MAGT1: variants seen among roughly 807,000 people sequenced by gnomAD.
MAGT1 encodes dolichyl-diphosphooligosaccharide--protein glycosyltransferase subunit MAGT1.
In MAGT1, 4 loss-of-function variants were observed where a neutral mutation model predicts 28.4. That is an observed-to-expected ratio of 0.14 (90% CI 0.07 to 0.32). MAGT1 has a LOEUF of 0.32. Among genes scored for constraint, MAGT1 ranks in the 10% least tolerant of loss-of-function variants. The pLI is 1.00. For missense variants in MAGT1, 193 were observed against 264.5 expected, an observed-to-expected ratio of 0.73 and a Z score of 1.88; for synonymous variants, 89 against 89.7, an observed-to-expected ratio of 0.99 and a Z score of 0.04.
At chrX:77,853,855 GAA>G (rs782797757) in intron 7 of MAGT1, 44 bp downstream of exon 7, 1 of 1,073,320 alleles carries the variant, frequency 9.3e-7, no homozygotes, top group Non-Finnish European at 1.3e-6. Context: ...TAGACTGTGA[GAA>G]AACAGACAAA....
At chrX:77,888,652 T>C (rs2077073504) in intron 1 of MAGT1, among the ~76,000 whole-genome samples, 1 of 111,543 alleles carries the variant, frequency 9.0e-6, no homozygotes, top group Non-Finnish European at 1.9e-5. Context: ...ATAGGATCTA[T>C]TAATTACGAT....
In MAGT1 at chrX:77,857,433, T is replaced by A; in HGVS notation, c.455A>T (p.Asp152Val). Residue 152 changes from aspartate to valine, a missense_variant, in exon 4 of 10, where the codon GAT becomes GTT. Transcript: ENST00000618282. ...FPAKGKPKRG[D>V]TYELQVRGFS... ...ACCCCGCACCTGTAACTCATATGTA[T>A]CACCCCGTTTGGGTTTCCCTTTTGC... The A allele has an allele frequency of 8.3e-7, 1 of 1,211,863 alleles. No homozygotes were observed. Among genetic ancestry groups the A allele is most frequent in the Non-Finnish European group, 1.1e-6 (1 of 895,376 alleles).
chrX:77,895,554 G>A (rs781940524), upstream of MAGT1: 1 of 1,068,988 alleles, frequency 9.4e-7, no homozygotes, highest in South Asian at 2.2e-5. Context: ...ACGTCACAGC[G>A]CGCTGGCGCT....
rs1205675533 is a variant in MAGT1 at position 77,866,666 on chromosome X, G to A, written c.390+4142C>T. On this transcript the variant is annotated intron_variant, in intron 3 of 9. Coordinates refer to ENST00000618282, the MANE Select transcript of MAGT1 (RefSeq NM_001367916.1). ...CTGAACTAACTTTAGGAGAAACTTAGTTTATAGTTTAAACAAAGACTGTAA... is the reference window on the plus strand; with the variant it reads ...CTGAACTAACTTTAGGAGAAACTTAATTTATAGTTTAAACAAAGACTGTAA... 6.0e-5 allele frequency among the ~76,000 whole-genome samples: 4 copies of A among 66,642 alleles called. 2 individuals carry two copies. The highest frequency in any genetic ancestry group is 1.6e-4 in the Non-Finnish European group (4 of 24,665). The allele number at this position is 66,642 out of a possible 115,157, so 57.9% of individuals were successfully genotyped here. A position where few individuals can be genotyped will look rare whatever the true frequency, so the allele number is the denominator to read the frequency against.
At chrX:77,879,381 T>G (rs1557218198) in intron 1 of MAGT1, among the ~76,000 whole-genome samples, 1 of 111,738 alleles carries the variant, frequency 8.9e-6, no homozygotes, top group East Asian at 2.8e-4. Flanking sequence ...ATCCTTGCCA[T>G]GAGTAGTAAG....
In MAGT1 at chrX:77,867,770, G is replaced by A. The variant is rs1311101733; in HGVS notation, c.390+3038C>T. On this transcript the variant is annotated intron_variant, in intron 3 of 9. Transcript: ENST00000618282. The stretch of plus-strand genomic sequence containing the variant: ...GGCAGGTTAACTTGTTAGCTTGCAA[G>A]TAGGGTAAGAACTTAGATCCTTCCC... Among the ~76,000 whole-genome samples the A allele has an allele frequency of 3.0e-5, 2 of 67,345 alleles. 1 individual carries two copies. The highest frequency in any genetic ancestry group is 8.0e-5 in the Non-Finnish European group (2 of 24,903). The allele number at this position is 67,345 out of a possible 115,157, so 58.5% of individuals were successfully genotyped here.
chrX:77,882,429 A>T (rs781974079), intron 1 of MAGT1, among the ~76,000 whole-genome samples: 19 of 112,168 alleles, frequency 1.7e-4, no homozygotes, highest in African/African-American at 5.5e-4. Context: ...GACAGTTACC[A>T]GCAAATACAA....
intron 7 of MAGT1, among the ~76,000 whole-genome samples, chrX:77,846,389 T>C (rs1557214928): frequency 8.9e-6 from 1 of 111,994 alleles, no homozygotes; most frequent in Non-Finnish European, 1.9e-5. Flanking sequence ...CTTCCTCCTT[T>C]AGCTCGGAGA....
chrX:77,842,601 C>T (rs182117804), intron 7 of MAGT1, among the ~76,000 whole-genome samples: 238 of 110,693 alleles, frequency 2.2e-3, no homozygotes, highest in Non-Finnish European at 3.9e-3. Flanking sequence ...CAGAGGTAGG[C>T]GGATCACCTT....
chrX:77,893,256 T>C (rs925918915), intron 1 of MAGT1, among the ~76,000 whole-genome samples: 3 of 112,001 alleles, frequency 2.7e-5, no homozygotes, highest in Non-Finnish European at 5.6e-5. Context: ...GAAGATACTG[T>C]TTGAGCTAAG....
rs782717079 is a variant in MAGT1 at position 77,874,553 on chromosome X, G to C, written c.272+875C>G. Reference sequence around the variant, plus strand: ...GGAGGCTGCAGTGAGTCAAGATCACGCCACTGCACTCCAGCCTGGGTGACA... The same window carrying C: ...GGAGGCTGCAGTGAGTCAAGATCACCCCACTGCACTCCAGCCTGGGTGACA... On this transcript the variant is annotated intron_variant, in intron 2 of 9. Coordinates refer to ENST00000618282, the MANE Select transcript of MAGT1 (RefSeq NM_001367916.1). Among the ~76,000 whole-genome samples the C allele has an allele frequency of 1.6e-3, 159 of 101,029 alleles. 1 individual carries two copies. Among genetic ancestry groups the C allele is most frequent in the African/African-American group, 5.2e-3 (143 of 27,664 alleles). 87.7% of individuals were successfully genotyped at this position (101,029 alleles called of 115,157 possible).
At chrX:77,880,850 G>A (rs999788407) in intron 1 of MAGT1, among the ~76,000 whole-genome samples, 10 of 106,874 alleles carry the variant, frequency 9.4e-5, no homozygotes, top group Admixed American at 2.1e-4. Flanking sequence ...CCCAGCTACC[G>A]GGGAGGCTGA....
chrX:77,829,314 G>T (rs1557213179), intron 9 of MAGT1, 79 bp from the exon 10 acceptor site: 2 of 853,256 alleles, frequency 2.3e-6, no homozygotes, highest in South Asian at 2.2e-5. Context: ...GCAGTATGTT[G>T]GTTTTAACAG....
In MAGT1 at chrX:77,847,209, C is replaced by T. The variant is rs965256013; in HGVS notation, c.827-5889G>A. On this transcript the variant is annotated intron_variant, in intron 7 of 9. Coordinates refer to ENST00000618282, the MANE Select transcript of MAGT1 (RefSeq NM_001367916.1). Reference sequence around the variant, plus strand: ...GCTGTGCTAGCAATGAGCGAGGCTCCGTGGGCGTAGGACCCTCCAAGCCAG... The same window carrying T: ...GCTGTGCTAGCAATGAGCGAGGCTCTGTGGGCGTAGGACCCTCCAAGCCAG... Among the ~76,000 whole-genome samples the T allele has an allele frequency of 6.2e-5, 7 of 112,463 alleles. No homozygotes were observed. The East Asian group carries it at 1.1e-3, about 18-fold the overall frequency.
At chrX:77,835,342 T>C (rs924032664) in intron 8 of MAGT1, among the ~76,000 whole-genome samples, 1 of 111,468 alleles carries the variant, frequency 9.0e-6, no homozygotes, top group Non-Finnish European at 1.9e-5. Flanking sequence ...TCAATGATCA[T>C]CAGAGAAATG....
At chrX:77,830,445 G>A (rs1270270991) in intron 9 of MAGT1, among the ~76,000 whole-genome samples, 3 of 110,363 alleles carry the variant, frequency 2.7e-5, no homozygotes, top group Non-Finnish European at 3.8e-5. Flanking sequence ...GTGAAACCCC[G>A]TTTCTACTAA....
chrX:77,893,723 C>T (rs949975350), intron 1 of MAGT1, among the ~76,000 whole-genome samples: 5 of 111,474 alleles, frequency 4.5e-5, no homozygotes, highest in African/African-American at 1.6e-4. Flanking sequence ...AGAGAGACTC[C>T]GTTTCTACAA....
chrX:77,885,657 T>C (rs1175445644), intron 1 of MAGT1: 1 of 110,699 alleles, frequency 9.0e-6, no homozygotes, highest in African/African-American at 3.3e-5. Flanking sequence ...TAACTGGGAC[T>C]ACAAGTATGC....
At chrX:77,876,171 T>A (rs868965408) in intron 1 of MAGT1, among the ~76,000 whole-genome samples, 1,628 of 23,400 alleles carry the variant, frequency 0.07, 55 homozygotes, top group African/African-American at 0.092. Flanking sequence ...TATATTTTTT[T>A]TTTTTTTTTT....
Sources: gnomAD v4.1 joint callset for allele counts (sites outside exome capture counted in the v4.1 genomes callset) on GRCh38, gnomAD v4.1.1 for gene constraint, MANE v1.5 for transcripts, NCBI Gene and HGNC (gene_info 2026-07-23, HGNC 2026-07-21) for gene names.